The following GPC3 variants were observed in gnomAD, a reference collection of about 807,000 sequenced individuals.
GPC3 encodes the protein glypican-3.
Under a neutral mutation model 34.4 loss-of-function variants are expected in GPC3, and 3 were observed. The ratio of observed to expected loss-of-function variants is 0.09; its 90% CI spans 0.04 to 0.23. The LOEUF (loss-of-function observed/expected upper bound fraction) is 0.23, where lower values mean the gene tolerates loss of function less well. GPC3 is among the 10% of genes least tolerant of loss of function. GPC3 has a pLI of 1.00. For missense variants in GPC3, 351 were observed against 445.6 expected (o/e 0.79, Z 1.91); for synonymous variants, 177 against 174.0 (o/e 1.02, Z -0.13).
At chrX:133,732,469 T>C (rs2071471412) in intron 3 of GPC3, among the ~76,000 whole-genome samples, 1 of 111,599 alleles carries the variant, frequency 9.0e-6, no homozygotes, top group Admixed American at 9.5e-5. Context: ...ATTAATTGAC[T>C]AAGGAAACTG....
chrX:133,966,436 C>T (rs1447299698), intron 1 of GPC3, among the ~76,000 whole-genome samples: 1 of 112,283 alleles, frequency 8.9e-6, no homozygotes, highest in East Asian at 2.8e-4. Flanking sequence ...CAAATCTTTC[C>T]AATGCCCAAC....
chrX:133,791,026 T>C (rs2072154869), intron 2 of GPC3, among the ~76,000 whole-genome samples: 1 of 111,680 alleles, frequency 9.0e-6, no homozygotes, highest in East Asian at 2.8e-4. Flanking sequence ...AGTTCATTAG[T>C]GCTTTGACCC....
rs1442237695 is a variant in GPC3 at position 133,896,374 on chromosome X, AAAAG to A, written c.337+56672_337+56675del. Among the ~76,000 whole-genome samples, 4 of 109,981 alleles carry A rather than the reference AAAAG, an allele frequency of 3.6e-5. No individual in the cohort carries two copies. The East Asian group carries it at 8.5e-4, about 23-fold the overall frequency. ...AGAGATTGTCTCAGAAAAAAAAAAA[AAAAG>A]AAAGAAAAAGAAAGGAAACATCCAT... On this transcript the variant is annotated intron_variant, in intron 2 of 7. Coordinates refer to ENST00000370818, the MANE Select transcript of GPC3 (RefSeq NM_004484.4).
chrX:133,668,068 A>G (rs1258809728), intron 5 of GPC3, among the ~76,000 whole-genome samples: 1 of 107,006 alleles, frequency 9.3e-6, no homozygotes, highest in East Asian at 3.0e-4. Flanking sequence ...ACACCTGGCT[A>G]ATTTTTCGTA....
chrX:133,818,707 G>C (rs191624503), intron 2 of GPC3, among the ~76,000 whole-genome samples: 3 of 111,537 alleles, frequency 2.7e-5, no homozygotes, highest in African/African-American at 9.8e-5. Flanking sequence ...TAGAGTGGTA[G>C]GCCATATAAA....
chrX:133,584,930 C>CAAAAAAAAAAAAA (rs68159308), intron 7 of GPC3, among the ~76,000 whole-genome samples: 2 of 68,279 alleles, frequency 2.9e-5, no homozygotes, highest in Non-Finnish European at 2.8e-5. Context: ...TATAAAAAGC[C>CAAAAAAAAAAAAA]AAAAAAAAAA....
intron 6 of GPC3, among the ~76,000 whole-genome samples, chrX:133,628,911 T>C (rs2070336093): frequency 9.0e-6 from 1 of 111,442 alleles, no homozygotes; most frequent in African/African-American, 3.3e-5. Flanking sequence ...CTGCTATGGA[T>C]GTCCACGCGA....
At chrX:133,662,180 C>A (rs765500380) in intron 5 of GPC3, among the ~76,000 whole-genome samples, 4 of 111,404 alleles carry the variant, frequency 3.6e-5, no homozygotes, top group African/African-American at 6.5e-5. Context: ...GTGATTAGAG[C>A]TGTGCTAGGG....
rs2076564606 is a variant in GPC3, at chrX:133,985,484, G to A, written c.-35C>T. On this transcript the variant is annotated 5_prime_UTR_variant, in exon 1 of 8. Coordinates refer to ENST00000370818, the MANE Select transcript of GPC3 (RefSeq NM_004484.4). ...CAGGGAGCTAGGAGAGCGCGGGAGAGTGGCAGCCGGAGCGAGAGCAGTCCC... is the reference window on the plus strand; with the variant it reads ...CAGGGAGCTAGGAGAGCGCGGGAGAATGGCAGCCGGAGCGAGAGCAGTCCC... 1 of 1,148,544 alleles carries A rather than the reference G, an allele frequency of 8.7e-7. No homozygotes were observed. 94.7% of individuals were successfully genotyped at this position (1,148,544 alleles called of 1,213,427 possible). A position where few individuals can be genotyped will look rare whatever the true frequency, so the allele number is the denominator to read the frequency against.
chrX:133,619,753 T>C (rs2070209450), intron 6 of GPC3, among the ~76,000 whole-genome samples: 1 of 110,945 alleles, frequency 9.0e-6, no homozygotes, highest in Non-Finnish European at 1.9e-5. Flanking sequence ...CAGAACTTGG[T>C]CAATATACTA....
intron 5 of GPC3, among the ~76,000 whole-genome samples, chrX:133,676,511 G>A (rs1447536258): frequency 1.8e-5 from 2 of 111,996 alleles, no homozygotes; most frequent in Non-Finnish European, 3.8e-5. Context: ...ATAACAAAGG[G>A]GGAGAAAAGG....
chrX:133,962,099 A>T (rs1239856196), intron 1 of GPC3, among the ~76,000 whole-genome samples: 1 of 112,075 alleles, frequency 8.9e-6, no homozygotes, highest in African/African-American at 3.2e-5. Context: ...CAGAAGCCAG[A>T]TGACAAGGAG....
intron 3 of GPC3, among the ~76,000 whole-genome samples, chrX:133,710,916 A>G (rs2071260547): frequency 8.9e-6 from 1 of 112,344 alleles, no homozygotes; most frequent in Non-Finnish European, 1.9e-5. Context: ...AGTTCATGAC[A>G]TTATTATTTA....
chrX:133,670,910 T>C, intron 5 of GPC3: 1 of 366,423 alleles, frequency 2.7e-6, no homozygotes, highest in South Asian at 4.5e-5. Context: ...TCTTTATTTA[T>C]GCACATATCT....
At chrX:133,851,889 C>T (rs1181994106) in intron 2 of GPC3, among the ~76,000 whole-genome samples, 1 of 111,973 alleles carries the variant, frequency 8.9e-6, no homozygotes, top group Non-Finnish European at 1.9e-5. Flanking sequence ...AGAATTCAAA[C>T]ATTAGGGAGA....
chrX:133,879,208 G>C (rs942313448), intron 2 of GPC3, among the ~76,000 whole-genome samples: 3 of 110,256 alleles, frequency 2.7e-5, no homozygotes, highest in African/African-American at 9.9e-5. Context: ...TAAGTCCCTT[G>C]CCTCCCCACC....
intron 2 of GPC3, among the ~76,000 whole-genome samples, chrX:133,862,403 G>A (rs967194211): frequency 9.2e-6 from 1 of 108,956 alleles, no homozygotes; most frequent in Non-Finnish European, 1.9e-5. Flanking sequence ...AATAGTGGCC[G>A]GGTGTGGTGG....
intron 3 of GPC3, among the ~76,000 whole-genome samples, chrX:133,747,980 T>C (rs928562266): frequency 6.2e-5 from 7 of 112,199 alleles, no homozygotes; most frequent in Non-Finnish European, 1.1e-4. Flanking sequence ...CAATAAAGTA[T>C]GTATGTGTGT....
chrX:133,539,310 T>C (rs1034062197), intron 7 of GPC3, among the ~76,000 whole-genome samples: 1 of 111,381 alleles, frequency 9.0e-6, no homozygotes, highest in Non-Finnish European at 1.9e-5. Flanking sequence ...GAAGCTACAC[T>C]GCCTCTTGAA....
Sources: gnomAD v4.1 joint callset for allele counts (sites outside exome capture counted in the v4.1 genomes callset) on GRCh38, gnomAD v4.1.1 for gene constraint, MANE v1.5 for transcripts, NCBI Gene and HGNC (gene_info 2026-07-23, HGNC 2026-07-21) for gene names.